The following FANCA variants were observed in gnomAD, a reference collection of about 807,000 sequenced individuals.
FANCA encodes the protein FA complementation group A.
FANCA carries 236 observed loss-of-function variants against 194.3 expected under a neutral mutation model. That is an observed-to-expected ratio of 1.21 (90% confidence interval 1.09 to 1.35). The LOEUF (loss-of-function observed/expected upper bound fraction) is 1.35. Ranked by LOEUF, FANCA falls within the 40% of genes most tolerant of loss-of-function variation. The pLI is 0.00. For missense variants in FANCA, 2,628 were observed against 1,813.9 expected (o/e 1.45, Z -8.15); for synonymous variants, 1,014 against 715.8 (o/e 1.42, Z -6.65).
intron 27 of FANCA, among the ~76,000 whole-genome samples, chr16:89,765,429 A>G (rs939245931): frequency 2.0e-5 from 3 of 152,266 alleles, no homozygotes; most frequent in Non-Finnish European, 2.9e-5. Context: ...AGAGCCCCTC[A>G]GCGATCATGG....
At chr16:89,775,507 G>C (rs1234096571) in intron 21 of FANCA, among the ~76,000 whole-genome samples, 1 of 152,230 alleles carries the variant, frequency 6.6e-6, no homozygotes, top group African/African-American at 2.4e-5. Context: ...GCTGTGCACT[G>C]CACACACTCC....
chr16:89,775,937 T>C (rs2039485800), intron 20 of FANCA, 122 bp from the exon 21 acceptor site: 9 of 570,620 alleles, frequency 1.6e-5, no homozygotes, highest in Non-Finnish European at 2.4e-5. Flanking sequence ...AAATACTGTG[T>C]ACAGTATGAG....
At chr16:89,782,728 A>G in intron 17 of FANCA, 131 bp downstream of exon 17, 1 of 780,002 alleles carries the variant, frequency 1.3e-6, no homozygotes, top group Admixed American at 2.0e-5. Flanking sequence ...CCTCGCCCCC[A>G]GCTGCGCCCG....
intron 2 of FANCA, among the ~76,000 whole-genome samples, chr16:89,814,847 G>A (rs1007361918): frequency 6.6e-6 from 1 of 151,930 alleles, no homozygotes; most frequent in Non-Finnish European, 1.5e-5. Flanking sequence ...AGGCTGAGAC[G>A]GGAGAATCAC....
Position 89,808,408 on chromosome 16 carries a change from A to G in FANCA, c.523-41T>C, listed in dbSNP as rs546977062. 1.8e-5 allele frequency: 28 copies of G among 1,593,918 alleles called. No homozygotes were observed. The South Asian group carries it at 2.8e-4, about 16-fold the overall frequency. On this transcript the variant is annotated intron_variant, in intron 5 of 42. Transcript: ENST00000389301. ...AAACAAACAAAAACAAAAACAAAAA[A>G]ACCCCCAGCATTCTGAGTCCTTTAT... is the stretch of plus-strand genomic sequence containing the variant.
In FANCA at chr16:89,742,866, C is replaced by T. The variant is rs371798854; in HGVS notation, c.3699G>A (p.Ala1233=). The T allele has an allele frequency of 8.8e-5, 142 of 1,614,020 alleles. 1 individual carries two copies. The highest frequency in any genetic ancestry group is 1.6e-4 in the Middle Eastern group (1 of 6,084). The change falls in exon 37 of 43, where the codon GCG becomes GCA. Residue 1233 remains alanine, a synonymous_variant. Coordinates refer to ENST00000389301, the MANE Select transcript of FANCA (RefSeq NM_000135.4). ...DWLSAAALHF[A]IQQVREENIR... ...TGTTTTCTTCCCTGACTTGTTGAATCGCAAAGTGCAGTGCAGCAGCTGAGA... is the reference window on the plus strand; with the variant it reads ...TGTTTTCTTCCCTGACTTGTTGAATTGCAAAGTGCAGTGCAGCAGCTGAGA...
In FANCA at chr16:89,791,495, G is replaced by T; in HGVS notation, c.1267C>A (p.Gln423Lys). Residue 423 changes from glutamine (Q) to lysine (K), a missense_variant, in exon 14 of 43, where the codon CAG becomes AAG. Physicochemically the swap from Gln to Lys is moderately conservative, Grantham distance 53. Coordinates refer to ENST00000389301, the MANE Select transcript of FANCA (RefSeq NM_000135.4). ...AACGCAGTGACCATGCTGTCCAGCT[G>T]GCAGCTCTCGAATGCCTGGGCCATC... Reference protein sequence around the residue: ...RLMAQAFESCQLDSMVTAFLV... With the variant: ...RLMAQAFESCKLDSMVTAFLV... 6.2e-7 allele frequency: 1 copy of T among 1,614,152 alleles called. No homozygotes were observed. Among genetic ancestry groups the T allele is most frequent in the South Asian group, 1.1e-5 (1 of 91,064 alleles).
At chr16:89,763,116 G>T (rs935260085) in intron 28 of FANCA, among the ~76,000 whole-genome samples, 1 of 150,850 alleles carries the variant, frequency 6.6e-6, no homozygotes, top group Non-Finnish European at 1.5e-5. Flanking sequence ...GCGCGGTGGC[G>T]TGCACCTGTG....
At chr16:89,740,647 A>C (rs1264669098) in intron 38 of FANCA, 157 bp downstream of exon 38, 5 of 649,420 alleles carry the variant, frequency 7.7e-6, no homozygotes, top group East Asian at 2.8e-5. Flanking sequence ...AAAAAAAAAA[A>C]AAAAAAACCC....
At chr16:89,764,741 C>G (rs1051586291) in intron 28 of FANCA, 149 bp downstream of exon 28, 1 of 937,868 alleles carries the variant, frequency 1.1e-6, no homozygotes, top group South Asian at 1.3e-5. Context: ...GACGAGGAGA[C>G]AGTCGGCACA....
rs776879032 is a variant in FANCA at position 89,742,854 on chromosome 16, G to C, written c.3711C>G (p.Val1237=). ...AAALHFAIQQ[V]REENIRKQLK... Reference sequence around the variant, plus strand: ...GCTGCTTCCTGATGTTTTCTTCCCTGACTTGTTGAATCGCAAAGTGCAGTG... The same window carrying C: ...GCTGCTTCCTGATGTTTTCTTCCCTCACTTGTTGAATCGCAAAGTGCAGTG... The change falls in exon 37 of 43, where the codon GTC becomes GTG. Residue 1237 remains valine (V), a synonymous_variant. Coordinates refer to ENST00000389301, the MANE Select transcript of FANCA (RefSeq NM_000135.4). The C allele has an allele frequency of 1.6e-4, 259 of 1,614,014 alleles. No homozygotes were observed. Among genetic ancestry groups the C allele is most frequent in the Non-Finnish European group, 2.0e-4 (240 of 1,180,030 alleles).
intron 13 of FANCA, 118 bp downstream of exon 13, chr16:89,791,809 T>A: frequency 7.5e-7 from 1 of 1,328,254 alleles, no homozygotes; most frequent in South Asian, 1.2e-5. Context: ...GCACTGCAGG[T>A]TCCGGGCAGG....
chr16:89,770,675 C>G (rs368679696), intron 23 of FANCA, 41 bp from the exon 24 acceptor site: 2 of 1,543,508 alleles, frequency 1.3e-6, no homozygotes, highest in Non-Finnish European at 1.8e-6. Flanking sequence ...GTCCTGGGGA[C>G]GGGAGCAGCA....
chr16:89,768,612 C>T (rs1041410667), intron 26 of FANCA, among the ~76,000 whole-genome samples: 5 of 151,972 alleles, frequency 3.3e-5, no homozygotes, highest in African/African-American at 9.7e-5. Flanking sequence ...GCCAAGATCA[C>T]GCTACTGCAC....
At chr16:89,740,657 C>T (rs2062108191) in intron 38 of FANCA, 147 bp downstream of exon 38, 2 of 650,508 alleles carry the variant, frequency 3.1e-6, no homozygotes, top group East Asian at 2.9e-5. Context: ...AAAAAAAACC[C>T]ACGGCCTGGG....
intron 20 of FANCA, among the ~76,000 whole-genome samples, chr16:89,776,530 A>G (rs1207612175): frequency 2.0e-5 from 3 of 152,034 alleles, no homozygotes; most frequent in Admixed American, 1.3e-4. Flanking sequence ...CGTGTCATTA[A>G]AAATATGCAA....
At chr16:89,802,031 T>C (rs756474655) in intron 8 of FANCA, among the ~76,000 whole-genome samples, 11 of 152,166 alleles carry the variant, frequency 7.2e-5, no homozygotes, top group Non-Finnish European at 1.5e-4. Context: ...CTATTAACAA[T>C]AGCCAAGATA....
In FANCA at chr16:89,771,552, A is replaced by T. The variant is rs558590607; in HGVS notation, c.2151+126T>A. The T allele has an allele frequency of 2.9e-4, 316 of 1,107,748 alleles. 2 individuals are homozygous for T. In the South Asian group the frequency reaches 4.2e-3, roughly 15 times the overall value. 68.6% of individuals were successfully genotyped at this position (1,107,748 alleles called of 1,614,324 possible). On this transcript the variant is annotated intron_variant, in intron 23 of 42. Coordinates refer to ENST00000389301, the MANE Select transcript of FANCA (RefSeq NM_000135.4). ...CTGGTACACCGCTGCCTGGCCCTGG[A>T]ACATCTGATACGACACTAACTGAGC...
intron 3 of FANCA, among the ~76,000 whole-genome samples, chr16:89,811,836 T>C (rs571841441): frequency 6.6e-6 from 1 of 152,264 alleles, no homozygotes; most frequent in Admixed American, 6.5e-5. Flanking sequence ...GTTCAAGCGA[T>C]TCTCCTGCCT....
Sources: gnomAD v4.1 joint callset for allele counts (sites outside exome capture counted in the v4.1 genomes callset) on GRCh38, gnomAD v4.1.1 for gene constraint, MANE v1.5 for transcripts, NCBI Gene and HGNC (gene_info 2026-07-23, HGNC 2026-07-21) for gene names.